DPP6: variants seen among roughly 807,000 people sequenced by gnomAD.
The protein encoded by DPP6 is A-type potassium channel modulatory protein DPP6.
Under a neutral mutation model 122.6 loss-of-function variants are expected in DPP6, and 69 were observed. The observed-to-expected ratio is 0.56, with a 90% CI of 0.46 to 0.69. The LOEUF (loss-of-function observed/expected upper bound fraction) is 0.69. Among genes scored for constraint, DPP6 ranks in the 30% least tolerant of loss-of-function variants. DPP6 has a pLI of 0.00. For missense variants in DPP6, 928 were observed against 1,116.9 expected (o/e 0.83, Z 2.41); for synonymous variants, 418 against 433.1 (o/e 0.97, Z 0.43).
intron 5 of DPP6, among the ~76,000 whole-genome samples, chr7:154,574,391 A>ATG (rs1490699810): frequency 1.8e-5 from 2 of 109,070 alleles, no homozygotes; most frequent in East Asian, 5.8e-4. Flanking sequence ...TGGTGTGTGT[A>ATG]TGTGTGTGGT....
intron 5 of DPP6, among the ~76,000 whole-genome samples, chr7:154,580,194 C>T (rs1406440025): frequency 2.0e-5 from 3 of 150,882 alleles, no homozygotes; most frequent in Non-Finnish European, 4.4e-5. Flanking sequence ...TACTCTCCCT[C>T]CCCCTTACAC....
intron 2 of DPP6, among the ~76,000 whole-genome samples, chr7:154,456,151 A>G (rs1394100465): frequency 6.6e-6 from 1 of 152,196 alleles, no homozygotes; most frequent in Non-Finnish European, 1.5e-5. Context: ...AAAATGAACT[A>G]AGCAGGTCGG....
chr7:154,246,783 T>C lies in DPP6; in HGVS notation c.243+193720T>C, dbSNP rs146970194. 1.1e-4 allele frequency among the ~76,000 whole-genome samples: 17 copies of C among 152,260 alleles called. No individual in the cohort carries two copies. In the East Asian group the frequency reaches 3.1e-3, roughly 28 times the overall value. ...AAGTAGGAAGGCCTAGATGAAATTA[T>C]GGGGAAAAATGAACTTTAACCTCTA... On this transcript the variant is annotated intron_variant, in intron 1 of 25. Coordinates refer to ENST00000377770, the MANE Select transcript of DPP6 (RefSeq NM_130797.4).
chr7:154,575,590 G>T (rs1306113100), intron 5 of DPP6, among the ~76,000 whole-genome samples: 4 of 134,232 alleles, frequency 3.0e-5, no homozygotes, highest in African/African-American at 8.7e-5. Flanking sequence ...GTGTGAGCGG[G>T]TGTATGTGTG....
intron 1 of DPP6, among the ~76,000 whole-genome samples, chr7:154,111,653 G>GTGTGTT (rs1256588460): frequency 6.6e-6 from 1 of 150,932 alleles, no homozygotes; most frequent in Non-Finnish European, 1.5e-5. Context: ...GTGTGTGTGT[G>GTGTGTT]TGTGTTGCTT....
intron 1 of DPP6, among the ~76,000 whole-genome samples, chr7:154,422,551 C>T (rs1817551310): frequency 6.6e-6 from 1 of 152,048 alleles, no homozygotes. Context: ...CAGGTCTGAT[C>T]AGCACATTTT....
intron 1 of DPP6, among the ~76,000 whole-genome samples, chr7:153,958,653 T>G (rs565538070): frequency 6.6e-6 from 1 of 152,290 alleles, no homozygotes; most frequent in African/African-American, 2.4e-5. Context: ...GAGGCGGGGT[T>G]GCATCCTTGG....
chr7:154,234,211 G>C (rs1277947418), intron 1 of DPP6, among the ~76,000 whole-genome samples: 1 of 152,186 alleles, frequency 6.6e-6, no homozygotes, highest in Non-Finnish European at 1.5e-5. Context: ...ACTTGAAAAT[G>C]AGTCTCTTCC....
At chr7:153,795,092 TTTC>T in the DPP6 span, among the ~76,000 whole-genome samples, 1 of 152,148 alleles carries the variant, frequency 6.6e-6, no homozygotes, top group Admixed American at 6.5e-5. Flanking sequence ...CCCTTAAAAT[TTTC>T]TTAATATTCT....
intron 1 of DPP6, among the ~76,000 whole-genome samples, chr7:153,975,845 C>T (rs1796274495): frequency 6.6e-6 from 1 of 152,190 alleles, no homozygotes; most frequent in Non-Finnish European, 1.5e-5. Context: ...AGCCGTCACT[C>T]AATGTGAGGT....
At chr7:154,121,110 C>T (rs1207327909) in intron 1 of DPP6, among the ~76,000 whole-genome samples, 2 of 152,170 alleles carry the variant, frequency 1.3e-5, no homozygotes, top group Non-Finnish European at 2.9e-5. Flanking sequence ...TCCTCCATAA[C>T]TGTAAGTTTC....
intron 16 of DPP6, among the ~76,000 whole-genome samples, chr7:154,812,682 T>C (rs1035437784): frequency 6.6e-6 from 1 of 152,170 alleles, no homozygotes; most frequent in African/African-American, 2.4e-5. Context: ...CGTTGGAGGT[T>C]AGGACTTAAT....
At chr7:153,764,255 G>A in the DPP6 span, among the ~76,000 whole-genome samples, 1 of 152,136 alleles carries the variant, frequency 6.6e-6, no homozygotes, top group Admixed American at 6.5e-5. Context: ...CACTGGGGAA[G>A]GGAAGACAGG....
At chr7:154,543,503 G>T (rs1828895660) in intron 4 of DPP6, among the ~76,000 whole-genome samples, 1 of 152,204 alleles carries the variant, frequency 6.6e-6, no homozygotes, top group African/African-American at 2.4e-5. Context: ...TGTCAATCCA[G>T]CAGGAAAGCT....
intron 7 of DPP6, among the ~76,000 whole-genome samples, chr7:154,710,219 G>A (rs545032453): frequency 1.3e-5 from 2 of 152,206 alleles, no homozygotes; most frequent in Admixed American, 6.5e-5. Flanking sequence ...TGGCTTCAGG[G>A]CCCCACCAGG....
intron 12 of DPP6, among the ~76,000 whole-genome samples, chr7:154,797,419 A>T (rs1298455067): frequency 6.6e-6 from 1 of 152,202 alleles, no homozygotes; most frequent in African/African-American, 2.4e-5. Flanking sequence ...CTGGAATATT[A>T]TTCAGCCGTA....
rs1001895171 is a variant in DPP6 at position 153,974,193 on chromosome 7, C to T, written c.51+86459C>T. ...TATTTAAGGCACTGCAGGATGGCAT[C>T]CTTGATGGGGTGTTTCAGGTAAGCC... On this transcript the variant is annotated intron_variant, in intron 1 of 25. Coordinates refer to the DPP6 transcript ENST00000404039. 4.6e-4 allele frequency among the ~76,000 whole-genome samples: 70 copies of T among 152,118 alleles called. 1 individual carries two copies. Among genetic ancestry groups the T allele is most frequent in the Admixed American group, 3.9e-3 (60 of 15,270 alleles).
At chr7:153,791,726 T>A in the DPP6 span, among the ~76,000 whole-genome samples, 1 of 152,178 alleles carries the variant, frequency 6.6e-6, no homozygotes, top group Non-Finnish European at 1.5e-5. Context: ...AGCTAAAAAC[T>A]CATTTTCAAT....
At chr7:153,990,950 T>C (rs1008173929) in intron 1 of DPP6, among the ~76,000 whole-genome samples, 1 of 152,378 alleles carries the variant, frequency 6.6e-6, no homozygotes, top group African/African-American at 2.4e-5. Flanking sequence ...AGGTTGTTTC[T>C]GGATCCCCAC....
Sources: allele counts gnomAD v4.1 joint callset (sites outside exome capture counted in the v4.1 genomes callset), GRCh38; gene constraint gnomAD v4.1.1; transcripts MANE v1.5; gene names NCBI Gene and HGNC (gene_info 2026-07-23, HGNC 2026-07-21).